MYO3B: variants seen among roughly 807,000 people sequenced by gnomAD.
MYO3B encodes the protein myosin IIIB, also known as myosin-IIIb.
In MYO3B, 156 loss-of-function variants were observed where a neutral mutation model predicts 174.6. That is an observed-to-expected ratio of 0.89 (90% CI 0.78 to 1.02). The LOEUF (loss-of-function observed/expected upper bound fraction) is 1.02, where lower values mean the gene tolerates loss of function less well. Ranked by LOEUF, MYO3B falls within the 50% of genes least tolerant of loss-of-function variation. The probability of loss-of-function intolerance (pLI) is 0.00; values close to 1 mark genes in which losing one functional copy is unlikely to be tolerated. For missense variants in MYO3B, 1,632 were observed against 1,639.4 expected (o/e 1.00, Z 0.08); for synonymous variants, 563 against 569.1 (o/e 0.99, Z 0.15).
intron 25 of MYO3B, among the ~76,000 whole-genome samples, chr2:170,497,164 G>C (rs946604705): frequency 6.6e-6 from 1 of 152,144 alleles, no homozygotes; most frequent in Non-Finnish European, 1.5e-5. Flanking sequence ...CCAGAGAAAA[G>C]GAACATTTGT....
rs186950410 is a variant in MYO3B, at chr2:170,286,883, T to G, written c.750-48502T>G. The stretch of plus-strand genomic sequence containing the variant: ...TTTTTCCTCTTCATCCCTCCCTCCC[T>G]GCTACCCTTCCTGGCCTCTGGTAAC... On this transcript the variant is annotated intron_variant, in intron 7 of 34. Transcript: ENST00000408978. Among the ~76,000 whole-genome samples, 274 of 152,222 alleles carry G rather than the reference T, an allele frequency of 1.8e-3. 2 individuals carry two copies. Among genetic ancestry groups the G allele is most frequent in the African/African-American group, 5.7e-3 (237 of 41,562 alleles).
At chr2:170,227,864 TAGCTGTGGCCTTGAGCGC>T (rs2105398108) in intron 6 of MYO3B, among the ~76,000 whole-genome samples, 1 of 152,312 alleles carries the variant, frequency 6.6e-6, no homozygotes, top group South Asian at 2.1e-4. Flanking sequence ...TATCCCCTAC[TAGCTGTGGCCTTGAGCGC>T]ATATATCTCT....
intron 32 of MYO3B, among the ~76,000 whole-genome samples, chr2:170,563,158 A>ACC (rs1553522717): frequency 2.7e-4 from 41 of 151,600 alleles, no homozygotes; most frequent in African/African-American, 9.7e-4. Context: ...ACACACACAC[A>ACC]CCCCAAGAAT....
chr2:170,641,869 GGGGAGGGGC>G (rs1697989663), intron 32 of MYO3B, among the ~76,000 whole-genome samples: 4 of 73,944 alleles, frequency 5.4e-5, no homozygotes, highest in East Asian at 7.0e-4. Flanking sequence ...GGGGGGGGGG[GGGGAGGGGC>G]GGGGAGCCAT....
intron 7 of MYO3B, among the ~76,000 whole-genome samples, chr2:170,272,308 T>C (rs745403696): frequency 2.6e-5 from 4 of 152,126 alleles, no homozygotes; most frequent in Non-Finnish European, 4.4e-5. Context: ...TTGAGAATCC[T>C]GGGATGGCTC....
chr2:170,471,505 T>C (rs1341007129), intron 25 of MYO3B, among the ~76,000 whole-genome samples: 2 of 152,226 alleles, frequency 1.3e-5, no homozygotes, highest in Non-Finnish European at 2.9e-5. Context: ...CTCCTATCAT[T>C]ATTCTGGGAG....
At chr2:170,349,127 C>CT (rs1228174343) in intron 8 of MYO3B, among the ~76,000 whole-genome samples, 1 of 152,204 alleles carries the variant, frequency 6.6e-6, no homozygotes, top group Non-Finnish European at 1.5e-5. Flanking sequence ...CATGAAGGAT[C>CT]TGCCCCTTTC....
rs1160567356 is a variant in MYO3B, at chr2:170,550,434, G to C, written c.3733+6446G>C. On this transcript the variant is annotated intron_variant, in intron 32 of 34. Coordinates refer to ENST00000408978, the MANE Select transcript of MYO3B (RefSeq NM_138995.5). ...CCAATTCTGTGTGGGATGGAGGCGG[G>C]GATTCGTATTGTTATCAAGTTTCCA... Among the ~76,000 whole-genome samples, 5 of 152,278 alleles carry C rather than the reference G, an allele frequency of 3.3e-5. No homozygotes were observed. In the East Asian group the frequency reaches 5.8e-4, roughly 18 times the overall value.
At chr2:170,648,985 A>G (rs1698653315) in intron 32 of MYO3B, among the ~76,000 whole-genome samples, 1 of 78,214 alleles carries the variant, frequency 1.3e-5, no homozygotes, top group African/African-American at 5.0e-5. Context: ...AAAATAATAT[A>G]TAATGTATAA....
At chr2:170,207,765 G>T (rs970026199) in intron 3 of MYO3B, among the ~76,000 whole-genome samples, 1 of 151,996 alleles carries the variant, frequency 6.6e-6, no homozygotes, top group Admixed American at 6.5e-5. Context: ...AAGATGAATG[G>T]CTACTCATCT....
intron 32 of MYO3B, chr2:170,643,763 G>C (rs1485902246): frequency 6.6e-6 from 1 of 152,236 alleles, no homozygotes; most frequent in Non-Finnish European, 1.5e-5. Flanking sequence ...GCTCTCCCAG[G>C]ATATTCTCTC....
intron 32 of MYO3B, among the ~76,000 whole-genome samples, chr2:170,622,443 A>G (rs1696005870): frequency 6.6e-6 from 1 of 152,196 alleles, no homozygotes; most frequent in African/African-American, 2.4e-5. Flanking sequence ...ACTTAAAACA[A>G]TACAAAAGGA....
chr2:170,250,356 C>T (rs1194333035), intron 7 of MYO3B, among the ~76,000 whole-genome samples: 1 of 152,146 alleles, frequency 6.6e-6, no homozygotes, highest in Non-Finnish European at 1.5e-5. Flanking sequence ...AGTGTGCAGT[C>T]AAAAAAGTTT....
intron 9 of MYO3B, among the ~76,000 whole-genome samples, chr2:170,370,036 TA>T (rs2094229011): frequency 6.6e-6 from 1 of 152,204 alleles, no homozygotes; most frequent in Admixed American, 6.5e-5. Context: ...GCAAGTGCTT[TA>T]AACAGTATTC....
chr2:170,434,715 T>C (rs1266872785), intron 22 of MYO3B, among the ~76,000 whole-genome samples: 2 of 152,210 alleles, frequency 1.3e-5, no homozygotes, highest in African/African-American at 4.8e-5. Flanking sequence ...GAATTGAACA[T>C]ACTGACATAT....
rs145707120 is a variant in MYO3B, at chr2:170,353,045, G to A, written c.816-16177G>A. On this transcript the variant is annotated intron_variant, in intron 8 of 34. Transcript: ENST00000408978. ...ATGCTTACCGTAGGGTCTAGCAATC[G>A]CCCTTTTTAATATTTACCTAAAGGA... 3.0e-3 allele frequency among the ~76,000 whole-genome samples: 461 copies of A among 152,182 alleles called. 2 individuals are homozygous for A. Among genetic ancestry groups the A allele is most frequent in the African/African-American group, 0.011 (437 of 41,534 alleles).
At chr2:170,581,323 T>G (rs1693136885) in intron 32 of MYO3B, among the ~76,000 whole-genome samples, 1 of 152,218 alleles carries the variant, frequency 6.6e-6, no homozygotes, top group Non-Finnish European at 1.5e-5. Context: ...TCATGTCCTT[T>G]GTCCATTTTT....
intron 9 of MYO3B, among the ~76,000 whole-genome samples, chr2:170,379,204 T>G (rs952642510): frequency 2.4e-4 from 37 of 151,598 alleles, no homozygotes; most frequent in African/African-American, 9.0e-4. Context: ...ATTTTTTTTT[T>G]TTTTTTTTTG....
chr2:170,482,497 T>A (rs1018364463), intron 25 of MYO3B, among the ~76,000 whole-genome samples: 1 of 152,204 alleles, frequency 6.6e-6, no homozygotes, highest in Admixed American at 6.5e-5. Flanking sequence ...AAAATGTGAC[T>A]TGCTCCTCCT....
Sources: allele counts gnomAD v4.1 joint callset (sites outside exome capture counted in the v4.1 genomes callset), GRCh38; gene constraint gnomAD v4.1.1; transcripts MANE v1.5; gene names NCBI Gene and HGNC (gene_info 2026-07-23, HGNC 2026-07-21).